Variants in SYT2 observed in about 807,000 individuals in gnomAD.
SYT2 encodes synaptotagmin-2.
Under a neutral mutation model 39.9 loss-of-function variants are expected in SYT2, and 15 were observed. The ratio of observed to expected loss-of-function variants is 0.38; its 90% confidence interval spans 0.25 to 0.58. The LOEUF is 0.58. Among genes scored for constraint, SYT2 ranks in the 20% least tolerant of loss-of-function variants. SYT2 has a pLI of 0.70. For synonymous variants in SYT2, 181 were observed against 204.5 expected, an observed-to-expected ratio of 0.89 and a Z score of 0.98; for missense variants, 389 against 530.3, an observed-to-expected ratio of 0.73 and a Z score of 2.62.
intron 1 of SYT2, among the ~76,000 whole-genome samples, chr1:202,652,379 T>C (rs1356518598): frequency 6.6e-6 from 1 of 152,224 alleles, no homozygotes; most frequent in Non-Finnish European, 1.5e-5. Context: ...GTCTTCACTG[T>C]TCTTCATCTC....
chr1:202,602,919 G>C, intron 4 of SYT2, 80 bp downstream of exon 4: 1 of 1,535,292 alleles, frequency 6.5e-7, no homozygotes, highest in Non-Finnish European at 8.9e-7. Context: ...ATCTCTGAGG[G>C]AGCTGTTTCT....
intron 1 of SYT2, among the ~76,000 whole-genome samples, chr1:202,689,297 G>T (rs1452053628): frequency 6.6e-6 from 1 of 152,150 alleles, no homozygotes. Context: ...ACAAACACGT[G>T]TGCACACGTG....
chr1:202,682,887 C>A (rs1354619147), intron 1 of SYT2, among the ~76,000 whole-genome samples: 1 of 152,138 alleles, frequency 6.6e-6, no homozygotes, highest in Non-Finnish European at 1.5e-5. Context: ...AGGTGGCAAT[C>A]ATGCCCACAA....
At chr1:202,665,060 T>C (rs1692456646) in intron 1 of SYT2, among the ~76,000 whole-genome samples, 1 of 152,228 alleles carries the variant, frequency 6.6e-6, no homozygotes, top group Admixed American at 6.5e-5. Flanking sequence ...GATGTACCTA[T>C]TTAAGTTTTT....
At chr1:202,669,487 T>C (rs1043958735) in intron 1 of SYT2, among the ~76,000 whole-genome samples, 3 of 151,400 alleles carry the variant, frequency 2.0e-5, no homozygotes, top group Non-Finnish European at 2.9e-5. Context: ...CCATCTCTAC[T>C]AAAAATACAA....
At chr1:202,677,260 GATA>G (rs1234578878) in intron 1 of SYT2, among the ~76,000 whole-genome samples, 4 of 152,164 alleles carry the variant, frequency 2.6e-5, no homozygotes, top group Non-Finnish European at 5.9e-5. Flanking sequence ...ATGTTCTTCT[GATA>G]ATGTGACTTT....
Position 202,625,759 on chromosome 1 carries a change from TG to T in SYT2, c.-17-19971del, listed in dbSNP as rs200351237. ...TGGAAAGGAGGAGGTGGGCAACCGGTGGGAGGCCGGAGGCAGAAGGAGGCTC... is the reference window on the plus strand; with the variant it reads ...TGGAAAGGAGGAGGTGGGCAACCGGTGGAGGCCGGAGGCAGAAGGAGGCTC... On this transcript the variant is annotated intron_variant, in intron 1 of 8. Coordinates refer to ENST00000367268, the MANE Select transcript of SYT2 (RefSeq NM_177402.5). Among the ~76,000 whole-genome samples, 949 of 151,996 alleles carry T rather than the reference TG, an allele frequency of 6.2e-3. 7 individuals carry two copies. The highest frequency in any genetic ancestry group is 0.022 in the African/African-American group (895 of 41,406).
At chr1:202,667,499 G>A (rs1692502584) in intron 1 of SYT2, among the ~76,000 whole-genome samples, 1 of 139,320 alleles carries the variant, frequency 7.2e-6, no homozygotes, top group East Asian at 2.1e-4. Context: ...GTGTGTGTGT[G>A]TGTGTGTGTG....
chr1:202,625,147 GGTGT>G, intron 1 of SYT2, among the ~76,000 whole-genome samples: 1 of 146,238 alleles, frequency 6.8e-6, no homozygotes, highest in East Asian at 2.0e-4. Context: ...CGTGTAATAG[GGTGT>G]GTGGTGTGTC....
chr1:202,604,410 T>G, intron 3 of SYT2, 45 bp downstream of exon 3: 1 of 1,595,540 alleles, frequency 6.3e-7, no homozygotes, highest in Non-Finnish European at 8.6e-7. Flanking sequence ...CAGGAAAGCC[T>G]GGGCTGAGCC....
rs1690219111 is a variant in SYT2 at position 202,594,385 on chromosome 1, A to T, written c.*2372T>A. On this transcript the variant is annotated 3_prime_UTR_variant, in exon 9 of 9. Transcript: ENST00000367268. ...AATGGAAAAGAATCCAGGTGGTAGA[A>T]GATGAATTGGGAAAGGGCAAAGGAG... 1 of 152,280 alleles carries T rather than the reference A, an allele frequency of 6.6e-6. No homozygotes were observed. Among genetic ancestry groups the T allele is most frequent in the Non-Finnish European group, 1.5e-5 (1 of 68,080 alleles). 9.4% of individuals were successfully genotyped at this position (152,280 alleles called of 1,614,324 possible).
rs1000870219 is a variant in SYT2 at position 202,601,647 on chromosome 1, C to G, written c.801+243G>C. ...ATTTGAGTACCTACCAAATACCAGT[C>G]GCTGCGCTAGGCGCTTTATGCAGGT... is the stretch of plus-strand genomic sequence containing the variant. On this transcript the variant is annotated intron_variant, in intron 6 of 8. Transcript: ENST00000367268. The surrounding 1 kb of genome is among the most constrained non-coding windows in gnomAD (Gnocchi z 4.0). Among the ~76,000 whole-genome samples the G allele has an allele frequency of 6.6e-6, 1 of 152,202 alleles. No individual in the cohort carries two copies. Among genetic ancestry groups the G allele is most frequent in the Non-Finnish European group, 1.5e-5 (1 of 68,040 alleles).
At chr1:202,698,606 A>G (rs1193040965) in intron 1 of SYT2, among the ~76,000 whole-genome samples, 1 of 152,186 alleles carries the variant, frequency 6.6e-6, no homozygotes, top group African/African-American at 2.4e-5. Flanking sequence ...GCAGTTGTCT[A>G]GGCAGACAGT....
intron 1 of SYT2, among the ~76,000 whole-genome samples, chr1:202,674,601 T>C (rs1400022061): frequency 6.6e-6 from 1 of 152,250 alleles, no homozygotes; most frequent in African/African-American, 2.4e-5. Flanking sequence ...CATATCTGTA[T>C]AACTGATGGG....
At chr1:202,598,612 C>T (rs947525333) in intron 8 of SYT2, among the ~76,000 whole-genome samples, 13 of 146,548 alleles carry the variant, frequency 8.9e-5, no homozygotes, top group Non-Finnish European at 1.8e-4. Flanking sequence ...CCCCCAGCTG[C>T]GCCTGACTTC....
At chr1:202,624,613 G>A (rs1408998546) in intron 1 of SYT2, among the ~76,000 whole-genome samples, 1 of 140,604 alleles carries the variant, frequency 7.1e-6, no homozygotes, top group East Asian at 2.2e-4. Context: ...GGTGTGTGTG[G>A]TGTCATAGAG....
At chr1:202,652,093 G>A (rs1025176129) in intron 1 of SYT2, among the ~76,000 whole-genome samples, 1 of 152,208 alleles carries the variant, frequency 6.6e-6, no homozygotes, top group Non-Finnish European at 1.5e-5. Context: ...GGTGCCTATC[G>A]CAGCCAATCA....
intron 1 of SYT2, among the ~76,000 whole-genome samples, chr1:202,608,282 CA>C (rs71564193): frequency 0.17 from 19,708 of 113,352 alleles, 1,659 homozygotes; most frequent in Non-Finnish European, 0.26. Flanking sequence ...AGATAGAAAA[CA>C]TTTTTTTTTT....
intron 1 of SYT2, among the ~76,000 whole-genome samples, chr1:202,610,204 C>T (rs1292604528): frequency 6.6e-5 from 10 of 152,218 alleles, no homozygotes; most frequent in African/African-American, 2.4e-4. Context: ...TGTAGATATG[C>T]GGCATTATTT....
Sources: allele counts gnomAD v4.1 joint callset (sites outside exome capture counted in the v4.1 genomes callset), GRCh38; gene constraint gnomAD v4.1.1; non-coding constraint Gnocchi (gnomAD v3.1); transcripts MANE v1.5; gene names NCBI Gene and HGNC (gene_info 2026-07-23, HGNC 2026-07-21).